TMEM131L: variants seen among roughly 807,000 people sequenced by gnomAD.
The protein encoded by TMEM131L is transmembrane 131 like.
TMEM131L carries 54 observed loss-of-function variants against 192.2 expected under a neutral mutation model. The observed-to-expected ratio is 0.28, with a 90% CI of 0.23 to 0.35. TMEM131L has a LOEUF of 0.35. TMEM131L is among the 10% of genes least tolerant of loss of function. TMEM131L has a pLI of 1.00. For missense variants in TMEM131L, 1,888 were observed against 1,972.9 expected (o/e 0.96, Z 0.82); for synonymous variants, 701 against 704.9 (o/e 0.99, Z 0.09).
At chr4:153,563,292 A>T (rs1390348493) in intron 7 of TMEM131L, among the ~76,000 whole-genome samples, 2 of 152,306 alleles carry the variant, frequency 1.3e-5, no homozygotes, top group South Asian at 4.1e-4. Flanking sequence ...TGTTGAGGAC[A>T]CATAATTCAA....
At chr4:153,491,575 C>T (rs1342076813) in intron 3 of TMEM131L, among the ~76,000 whole-genome samples, 3 of 151,718 alleles carry the variant, frequency 2.0e-5, no homozygotes, top group Non-Finnish European at 4.4e-5. Context: ...TCAAATTAGT[C>T]GTTTTATTCC....
Position 153,558,311 on chromosome 4 carries a change from A to G in TMEM131L, c.603A>G (p.Leu201=). Residue 201 remains leucine (L), a synonymous_variant, in exon 7 of 35, where the codon CTA becomes CTG. Transcript: ENST00000409959. The part of the protein sequence containing the change: ...RISTEGSAKQ[L]PNAYFLLPKV... ...CTACAGAAGGGTCTGCAAAGCAGCT[A>G]CCAAATGCTTATTTTCTGCTTCCAA... 1 of 1,609,614 alleles carries G rather than the reference A, an allele frequency of 6.2e-7. No individual in the cohort carries two copies. The highest frequency in any genetic ancestry group is 8.5e-7 in the Non-Finnish European group (1 of 1,176,604).
intron 3 of TMEM131L, among the ~76,000 whole-genome samples, chr4:153,542,212 G>A (rs1470459543): frequency 1.3e-5 from 2 of 152,182 alleles, no homozygotes; most frequent in Admixed American, 1.3e-4. Flanking sequence ...ATGACAGCAT[G>A]GAAGAGATAG....
chr4:153,495,829 C>T (rs775559787), intron 3 of TMEM131L, among the ~76,000 whole-genome samples: 10 of 152,148 alleles, frequency 6.6e-5, no homozygotes, highest in Non-Finnish European at 1.2e-4. Flanking sequence ...AGGAATAAAA[C>T]GGGAGGCAGG....
intron 3 of TMEM131L, among the ~76,000 whole-genome samples, chr4:153,498,494 C>T (rs1733350377): frequency 6.6e-6 from 1 of 152,158 alleles, no homozygotes; most frequent in Admixed American, 6.5e-5. Context: ...GCTGCACATT[C>T]TTTAGATACA....
rs1235389088 is a variant in TMEM131L at position 153,567,411 on chromosome 4, T to C, written c.660+9043T>C. Among the ~76,000 whole-genome samples, 4 of 152,194 alleles carry C rather than the reference T, an allele frequency of 2.6e-5. No individual in the cohort carries two copies. In the South Asian group the frequency reaches 6.2e-4, roughly 24 times the overall value. On this transcript the variant is annotated intron_variant, in intron 7 of 34. Transcript: ENST00000409959. ...TTAGCAGTACACCAAGATGTAACTG[T>C]TTTTTGTTGTTTGAGAGAACACCTG...
intron 26 of TMEM131L, among the ~76,000 whole-genome samples, chr4:153,619,720 G>T (rs1009228842): frequency 2.0e-5 from 3 of 152,188 alleles, no homozygotes; most frequent in Non-Finnish European, 4.4e-5. Context: ...CAAGTTATTC[G>T]TGTTAGTTGA....
At chr4:153,561,607 G>A (rs1728850956) in intron 7 of TMEM131L, among the ~76,000 whole-genome samples, 1 of 152,118 alleles carries the variant, frequency 6.6e-6, no homozygotes, top group Admixed American at 6.5e-5. Flanking sequence ...AGTACCATTT[G>A]TTGAAAAGAC....
chr4:153,530,526 A>C (rs6848819), intron 3 of TMEM131L, among the ~76,000 whole-genome samples: 8,670 of 152,286 alleles, frequency 0.057, 577 homozygotes, highest in East Asian at 0.22. Context: ...AGAATGCTGC[A>C]TAGGCGTAGT....
chr4:153,621,330 C>T (rs1028489295), intron 27 of TMEM131L, among the ~76,000 whole-genome samples: 1 of 152,130 alleles, frequency 6.6e-6, no homozygotes, highest in Admixed American at 6.5e-5. Context: ...CTCAGGTCAC[C>T]CTTGCTTCAG....
At chr4:153,503,949 A>T (rs1404205810) in intron 3 of TMEM131L, among the ~76,000 whole-genome samples, 1 of 152,176 alleles carries the variant, frequency 6.6e-6, no homozygotes, top group Non-Finnish European at 1.5e-5. Flanking sequence ...TGTATAGTGA[A>T]TGTTAAATGC....
intron 2 of TMEM131L, among the ~76,000 whole-genome samples, chr4:153,470,055 C>CT (rs1731047797): frequency 6.7e-6 from 1 of 150,048 alleles, no homozygotes; most frequent in Non-Finnish European, 1.5e-5. Context: ...TGACAGGTCT[C>CT]TAAGTGATCA....
chr4:153,585,556 G>A lies in TMEM131L; in HGVS notation c.1256G>A (p.Arg419His), dbSNP rs199972954. The A allele has an allele frequency of 1.5e-5, 24 of 1,613,832 alleles. No homozygotes were observed. Among genetic ancestry groups the A allele is most frequent in the African/African-American group, 2.7e-5 (2 of 74,894 alleles). ...ATATGGTACCGCAACCATTTTGACCGTAGTGTTGTATTAAATGATGTGTTT... is the reference window on the plus strand; with the variant it reads ...ATATGGTACCGCAACCATTTTGACCATAGTGTTGTATTAAATGATGTGTTT... ...WSIWYRNHFD[R>H]SVVLNDVFLS... is the part of the protein sequence containing the mutation. The change falls in exon 13 of 35, where the codon CGT becomes CAT. Residue 419 changes from arginine (R) to histidine (H), a missense_variant. Coordinates refer to ENST00000409959, the MANE Select transcript of TMEM131L (RefSeq NM_001131007.2).
Position 153,583,584 on chromosome 4 carries a change from G to GAGA in TMEM131L, c.973_975dup (p.Arg325dup). The GAGA allele has an allele frequency of 6.2e-7, 1 of 1,611,020 alleles. No individual in the cohort carries two copies. Among genetic ancestry groups the GAGA allele is most frequent in the Non-Finnish European group, 8.5e-7 (1 of 1,178,042 alleles). Reference sequence around the variant, plus strand: ...TTCAGGATATACGCCATTTCTCACAGAGAGATGCTCTGTCTCTGCAGTTTG... The same window carrying GAGA: ...TTCAGGATATACGCCATTTCTCACAGAGAAGAGATGCTCTGTCTCTGCAGTTTG... On this transcript the variant is annotated inframe_insertion, in exon 11 of 35. Coordinates refer to ENST00000409959, the MANE Select transcript of TMEM131L (RefSeq NM_001131007.2).
At chr4:153,573,783 A>AG (rs1256540104) in intron 7 of TMEM131L, among the ~76,000 whole-genome samples, 1 of 152,146 alleles carries the variant, frequency 6.6e-6, no homozygotes, top group Non-Finnish European at 1.5e-5. Context: ...GAAGTGTTTT[A>AG]GGGGAAAAAA....
chr4:153,612,251 G>A lies in TMEM131L; in HGVS notation c.3419-1G>A, dbSNP rs1478073817. The A allele has an allele frequency of 6.5e-7, 1 of 1,529,140 alleles. No individual in the cohort carries two copies. The highest frequency in any genetic ancestry group is 1.4e-5 in the African/African-American group (1 of 70,732). 94.7% of individuals were successfully genotyped at this position (1,529,140 alleles called of 1,614,324 possible). A position where few individuals can be genotyped will look rare whatever the true frequency, so the allele number is the denominator to read the frequency against. ...AATTGAATTGTTTTTGTTTATTAAA[G>A]GGAATAACCAGCAAGTACCTGTCAA... On this transcript the variant is annotated splice_acceptor_variant, in intron 25 of 34. Transcript: ENST00000409959. LOFTEE classifies it high-confidence loss of function.
intron 23 of TMEM131L, 77 bp from the exon 24 acceptor site, chr4:153,603,226 C>G (rs1053655644): frequency 2.4e-6 from 3 of 1,255,522 alleles, no homozygotes; most frequent in African/African-American, 3.1e-5. Flanking sequence ...TCATTCCCCA[C>G]TCTTCTGTAA....
At chr4:153,570,488 T>G (rs1729514476) in intron 7 of TMEM131L, among the ~76,000 whole-genome samples, 1 of 152,310 alleles carries the variant, frequency 6.6e-6, no homozygotes, top group African/African-American at 2.4e-5. Flanking sequence ...TGCATACCAC[T>G]GCTCTACTCA....
intron 7 of TMEM131L, among the ~76,000 whole-genome samples, chr4:153,574,087 T>C (rs899399736): frequency 6.6e-6 from 1 of 151,734 alleles, no homozygotes; most frequent in Non-Finnish European, 1.5e-5. Flanking sequence ...CAGGCTTTTA[T>C]GGCTGGGGTT....
Sources: gnomAD v4.1 joint callset for allele counts (sites outside exome capture counted in the v4.1 genomes callset) on GRCh38, gnomAD v4.1.1 for gene constraint, MANE v1.5 for transcripts, NCBI Gene and HGNC (gene_info 2026-07-23, HGNC 2026-07-21) for gene names.